The following RBFOX1 variants were observed in gnomAD, a reference collection of about 807,000 sequenced individuals.
The protein encoded by RBFOX1 is RNA binding fox-1 homolog 1, also known as RNA binding protein fox-1 homolog 1.
RBFOX1 carries 8 observed loss-of-function variants against 57.7 expected under a neutral mutation model. The observed-to-expected ratio is 0.14, with a 90% CI of 0.08 to 0.25. RBFOX1 has a LOEUF of 0.25. Among genes scored for constraint, RBFOX1 ranks in the 10% least tolerant of loss-of-function variants. The probability of loss-of-function intolerance (pLI) is 1.00; values close to 1 mark genes in which losing one functional copy is unlikely to be tolerated. For synonymous variants in RBFOX1, 326 were observed against 222.4 expected (o/e 1.47, Z -4.15); for missense variants, 611 against 548.5 (o/e 1.11, Z -1.14).
At chr16:6,635,477 G>A (rs533566705) in intron 2 of RBFOX1, among the ~76,000 whole-genome samples, 2 of 152,208 alleles carry the variant, frequency 1.3e-5, no homozygotes, top group African/African-American at 4.8e-5. Context: ...GTGATAACAG[G>A]TTTGGTAAAC....
At chr16:6,422,665 A>G (rs74537152) in intron 2 of RBFOX1, among the ~76,000 whole-genome samples, 3,430 of 152,234 alleles carry the variant, frequency 0.023, 140 homozygotes, top group African/African-American at 0.077. Context: ...GCAAAAGAGA[A>G]CAAGAGGGGC....
chr16:5,552,623 G>A (rs879525662), intron 2 of RBFOX1, among the ~76,000 whole-genome samples: 1 of 152,198 alleles, frequency 6.6e-6, no homozygotes, highest in Non-Finnish European at 1.5e-5. Context: ...TTATTTGTAA[G>A]TGTAGAGAAG....
chr16:6,594,323 A>C (rs7199703), intron 2 of RBFOX1, among the ~76,000 whole-genome samples: 4,278 of 152,306 alleles, frequency 0.028, 189 homozygotes, highest in African/African-American at 0.097. Flanking sequence ...GAGGCCGACA[A>C]GATCCCATAT....
chr16:6,262,242 G>A (rs1191107022), intron 1 of RBFOX1, among the ~76,000 whole-genome samples: 2 of 152,112 alleles, frequency 1.3e-5, no homozygotes, highest in East Asian at 1.9e-4. Flanking sequence ...AAAGAGAATC[G>A]GGAAAGTTAA....
intron 1 of RBFOX1, among the ~76,000 whole-genome samples, chr16:5,353,106 G>T (rs1442657595): frequency 1.3e-5 from 2 of 152,112 alleles, no homozygotes; most frequent in African/African-American, 4.8e-5. Context: ...GGGTGTGGTG[G>T]TGCACGCCTG....
chr16:5,669,323 A>AGT (rs2049944745), intron 3 of RBFOX1, among the ~76,000 whole-genome samples: 1 of 151,634 alleles, frequency 6.6e-6, no homozygotes, highest in Admixed American at 6.6e-5. Context: ...GAGGGAGCCA[A>AGT]GTTTCTGCAA....
chr16:6,566,061 T>C (rs998312959), intron 2 of RBFOX1, among the ~76,000 whole-genome samples: 1 of 152,142 alleles, frequency 6.6e-6, no homozygotes, highest in South Asian at 2.1e-4. Flanking sequence ...ACAAACAGAG[T>C]TAATTGCACA....
intron 14 of RBFOX1, among the ~76,000 whole-genome samples, chr16:7,698,333 C>T (rs1012796406): frequency 8.6e-5 from 13 of 151,932 alleles, no homozygotes; most frequent in African/African-American, 3.1e-4. Context: ...ATCTCAGTTC[C>T]TGATGAGTAT....
chr16:7,241,240 A>G (rs1229384943), intron 4 of RBFOX1, among the ~76,000 whole-genome samples: 2 of 152,122 alleles, frequency 1.3e-5, no homozygotes, highest in African/African-American at 2.4e-5. Context: ...TTTTATTCTC[A>G]TTAGCTGAAT....
At chr16:6,678,521 A>G (rs1462320372) in intron 3 of RBFOX1, among the ~76,000 whole-genome samples, 1 of 151,772 alleles carries the variant, frequency 6.6e-6, no homozygotes, top group Non-Finnish European at 1.5e-5. Context: ...TTACACTTAC[A>G]AAATAAAGAG....
At chr16:6,563,336 A>C (rs1221639339) in intron 2 of RBFOX1, among the ~76,000 whole-genome samples, 1 of 152,206 alleles carries the variant, frequency 6.6e-6, no homozygotes, top group Non-Finnish European at 1.5e-5. Flanking sequence ...TATTCTAAGC[A>C]TTTCACATCA....
chr16:7,543,389 A>G (rs922029545), intron 5 of RBFOX1, among the ~76,000 whole-genome samples: 13 of 152,186 alleles, frequency 8.5e-5, no homozygotes, highest in Admixed American at 3.9e-4. Flanking sequence ...AGGCCTGGTA[A>G]TGATCATGGA....
chr16:7,006,745 G>C (rs1046524518), intron 3 of RBFOX1, among the ~76,000 whole-genome samples: 4 of 152,122 alleles, frequency 2.6e-5, no homozygotes, highest in Admixed American at 6.5e-5. Flanking sequence ...ACCATGCCTG[G>C]CAATTAATTT....
intron 4 of RBFOX1, among the ~76,000 whole-genome samples, chr16:7,188,230 G>A (rs1033344289): frequency 3.9e-5 from 6 of 152,186 alleles, no homozygotes; most frequent in African/African-American, 1.4e-4. Context: ...ATTCTGCATA[G>A]GCTTCTTGAA....
chr16:6,019,095 G>GCA lies in RBFOX1; in HGVS notation c.-1013_-1012dup. 22 of 980,838 alleles carry GCA rather than the reference G, an allele frequency of 2.2e-5. No homozygotes were observed. Among genetic ancestry groups the GCA allele is most frequent in the South Asian group, 1.4e-4 (3 of 21,020 alleles). 60.8% of individuals were successfully genotyped at this position (980,838 alleles called of 1,614,324 possible). On this transcript the variant is annotated 5_prime_UTR_variant, in exon 1 of 16. The change creates a new upstream start codon in the 5' untranslated region. Transcript: ENST00000550418. The surrounding 1 kb of genome is among the most constrained non-coding windows in gnomAD (Gnocchi z 4.2). The stretch of plus-strand genomic sequence containing the variant: ...CGCTCACACACACACAGACACACAC[G>GCA]CACACACACACATGCACACATTTTC...
chr16:6,108,646 T>G (rs2096409880), intron 1 of RBFOX1, among the ~76,000 whole-genome samples: 1 of 152,200 alleles, frequency 6.6e-6, no homozygotes, highest in Admixed American at 6.5e-5. Context: ...TCTTTCACAG[T>G]TCTAGATGAC....
chr16:7,348,314 C>T (rs867532938), intron 4 of RBFOX1, among the ~76,000 whole-genome samples: 5 of 152,144 alleles, frequency 3.3e-5, no homozygotes, highest in African/African-American at 9.7e-5. Flanking sequence ...TTCTTATCTA[C>T]TCTCATCGTA....
intron 2 of RBFOX1, among the ~76,000 whole-genome samples, chr16:6,597,386 G>C (rs2097786886): frequency 6.6e-6 from 1 of 151,926 alleles, no homozygotes; most frequent in African/African-American, 2.4e-5. Flanking sequence ...TTAAAACCAG[G>C]GACCCAACCA....
chr16:6,040,832 G>T (rs964383355), intron 1 of RBFOX1, among the ~76,000 whole-genome samples: 5 of 152,056 alleles, frequency 3.3e-5, no homozygotes, highest in African/African-American at 7.2e-5. Context: ...GACCTCAATT[G>T]ATCTGCGTGC....
Sources: gnomAD v4.1 joint callset for allele counts (sites outside exome capture counted in the v4.1 genomes callset) on GRCh38, gnomAD v4.1.1 for gene constraint, Gnocchi (gnomAD v3.1) non-coding constraint, MANE v1.5 for transcripts, NCBI Gene and HGNC (gene_info 2026-07-23, HGNC 2026-07-21) for gene names.